CWF19L2: variants seen among roughly 807,000 people sequenced by gnomAD.
The protein encoded by CWF19L2 is CWF19 like cell cycle control factor 2, also known as CWF19-like protein 2.
Under a neutral mutation model 111.7 loss-of-function variants are expected in CWF19L2, and 98 were observed. The observed-to-expected ratio is 0.88, with a 90% CI of 0.75 to 1.04. The LOEUF is 1.04. Ranked by LOEUF, CWF19L2 falls within the 50% of genes least tolerant of loss-of-function variation. The pLI, the probability that CWF19L2 is intolerant of heterozygous loss-of-function variation, is 0.00. For missense variants in CWF19L2, 1,101 were observed against 1,051.4 expected, an observed-to-expected ratio of 1.05 and a Z score of -0.65; for synonymous variants, 351 against 342.9, an observed-to-expected ratio of 1.02 and a Z score of -0.26.
At chr11:107,399,240 T>C (rs1860966765) in intron 10 of CWF19L2, among the ~76,000 whole-genome samples, 1 of 152,224 alleles carries the variant, frequency 6.6e-6, no homozygotes, top group Admixed American at 6.5e-5. Context: ...CGAATGAATG[T>C]AAATGGCCTA....
chr11:107,346,600 T>A (rs1428316610), intron 14 of CWF19L2, among the ~76,000 whole-genome samples: 1 of 152,104 alleles, frequency 6.6e-6, no homozygotes, highest in Non-Finnish European at 1.5e-5. Context: ...TAAAAACAGA[T>A]GACTTAGAGG....
At chr11:107,391,563 T>C (rs945430585) in intron 11 of CWF19L2, among the ~76,000 whole-genome samples, 4 of 152,234 alleles carry the variant, frequency 2.6e-5, no homozygotes, top group Non-Finnish European at 4.4e-5. Flanking sequence ...GCAAAGCTGA[T>C]ATTCTGGTCT....
At chr11:107,413,967 A>G (rs577011953) in intron 10 of CWF19L2, among the ~76,000 whole-genome samples, 16 of 152,326 alleles carry the variant, frequency 1.1e-4, no homozygotes, top group African/African-American at 3.4e-4. Flanking sequence ...TTTGTCCTTC[A>G]GCATCAAAAA....
intron 12 of CWF19L2, 26 bp from the exon 13 acceptor site, chr11:107,353,762 G>T: frequency 1.3e-6 from 2 of 1,576,994 alleles, no homozygotes; most frequent in Non-Finnish European, 1.7e-6. Context: ...AACAGTAATA[G>T]AGAGTAGAAG....
chr11:107,408,341 G>C (rs1861110209), intron 10 of CWF19L2, among the ~76,000 whole-genome samples: 1 of 151,942 alleles, frequency 6.6e-6, no homozygotes, highest in Non-Finnish European at 1.5e-5. Context: ...AGGCACTGAG[G>C]CAGGAGGGAA....
chr11:107,396,770 A>G (rs1863128), intron 10 of CWF19L2, among the ~76,000 whole-genome samples: 59,199 of 151,976 alleles, frequency 0.39, 12,612 homozygotes, highest in African/African-American at 0.57. Flanking sequence ...AGCAATCCCG[A>G]GAGGACCCAC....
intron 17 of CWF19L2, among the ~76,000 whole-genome samples, chr11:107,327,303 C>T (rs1266600406): frequency 6.6e-6 from 1 of 152,032 alleles, no homozygotes; most frequent in Admixed American, 6.6e-5. Flanking sequence ...TGCTTATTAG[C>T]ACATCTACTA....
chr11:107,447,794 TG>T (rs1437710577), intron 3 of CWF19L2, among the ~76,000 whole-genome samples: 1 of 152,020 alleles, frequency 6.6e-6, no homozygotes, highest in East Asian at 1.9e-4. Flanking sequence ...AGCAAGCAAA[TG>T]TGACCCATAT....
chr11:107,404,028 T>C, intron 10 of CWF19L2: 1 of 776,226 alleles, frequency 1.3e-6, no homozygotes, highest in East Asian at 2.4e-5. Flanking sequence ...AGGTGATGGT[T>C]TCACTAAAAA....
At position 107,441,513 on chromosome 11, in the gene CWF19L2, G is replaced by C; in HGVS notation, c.560C>G (p.Ala187Gly). The C allele has an allele frequency of 6.5e-7, 1 of 1,533,728 alleles. No homozygotes were observed. The highest frequency in any genetic ancestry group is 8.8e-7 in the Non-Finnish European group (1 of 1,140,936). The stretch of plus-strand genomic sequence containing the variant: ...CAAATATTCTCTTACCTGTTCAAGC[G>C]CTTGGTTTTTCTCTTGCTCTATTTT... ...MRKIEQEKNQ[A>G]LEQSKLMERE... Residue 187 changes from alanine to glycine, a missense_variant, in exon 5 of 18, where the codon GCG (alanine) becomes GGG (glycine). Physicochemically the swap from Ala to Gly is moderately conservative, Grantham distance 60. Transcript: ENST00000282251.
intron 12 of CWF19L2, among the ~76,000 whole-genome samples, chr11:107,383,542 A>G (rs1860723267): frequency 6.6e-6 from 1 of 152,150 alleles, no homozygotes; most frequent in African/African-American, 2.4e-5. Flanking sequence ...AAAAAAACTG[A>G]AAAATATAGA....
At chr11:107,441,931 A>T (rs903414470) in intron 4 of CWF19L2, among the ~76,000 whole-genome samples, 1 of 152,194 alleles carries the variant, frequency 6.6e-6, no homozygotes, top group African/African-American at 2.4e-5. Flanking sequence ...GTTCCTGTTC[A>T]CCTTTCTTCC....
intron 11 of CWF19L2, 26 bp downstream of exon 11, chr11:107,392,753 T>C (rs1360418469): frequency 7.5e-7 from 1 of 1,339,974 alleles, no homozygotes; most frequent in Non-Finnish European, 1.0e-6. Flanking sequence ...TCTGAATTAA[T>C]AAACAAAGAC....
intron 12 of CWF19L2, among the ~76,000 whole-genome samples, chr11:107,382,571 C>T (rs1235298119): frequency 6.6e-6 from 1 of 152,146 alleles, no homozygotes; most frequent in Admixed American, 6.5e-5. Flanking sequence ...TTACTATATA[C>T]CTATTATGTT....
intron 8 of CWF19L2, among the ~76,000 whole-genome samples, chr11:107,427,176 G>A (rs17666075): frequency 0.025 from 3,764 of 151,936 alleles, 72 homozygotes; most frequent in South Asian, 0.05. Flanking sequence ...CATTCTTCAA[G>A]GTCCTGTCTT....
intron 14 of CWF19L2, among the ~76,000 whole-genome samples, chr11:107,343,079 C>G (rs1357627970): frequency 6.6e-6 from 1 of 152,192 alleles, no homozygotes; most frequent in East Asian, 1.9e-4. Flanking sequence ...TACACTTCTA[C>G]AGTTTTAAGG....
Position 107,455,646 on chromosome 11 carries a change from G to A in CWF19L2, c.216+20C>T, listed in dbSNP as rs752877164. The A allele has an allele frequency of 2.4e-5, 33 of 1,391,948 alleles. No individual in the cohort carries two copies. Among genetic ancestry groups the A allele is most frequent in the Non-Finnish European group, 3.0e-5 (30 of 1,014,144 alleles). 86.2% of individuals were successfully genotyped at this position (1,391,948 alleles called of 1,614,324 possible). ...AAAAGGACAGATATCCTTACATCACGTAAACCTGTTAGTATTCACCTGTGA... is the reference window on the plus strand; with the variant it reads ...AAAAGGACAGATATCCTTACATCACATAAACCTGTTAGTATTCACCTGTGA... On this transcript the variant is annotated intron_variant, in intron 2 of 17. Coordinates refer to ENST00000282251, the MANE Select transcript of CWF19L2 (RefSeq NM_152434.3).
Position 107,371,487 on chromosome 11 carries a change from G to A in CWF19L2, c.1873-17751C>T, listed in dbSNP as rs79402414. Among the ~76,000 whole-genome samples, 23 of 95,976 alleles carry A rather than the reference G, an allele frequency of 2.4e-4. 5 individuals carry two copies. The highest frequency in any genetic ancestry group is 1.5e-3 in the East Asian group (5 of 3,424). The allele number at this position is 95,976 out of a possible 152,430, so 63.0% of individuals were successfully genotyped here. ...TTTATGTATTCAATATTTAAAGTAC[G>A]GCATGAATTACAGACTGATTTTTTA... On this transcript the variant is annotated intron_variant, in intron 12 of 17. Coordinates refer to ENST00000282251, the MANE Select transcript of CWF19L2 (RefSeq NM_152434.3).
At chr11:107,397,876 C>T (rs1020841735) in intron 10 of CWF19L2, among the ~76,000 whole-genome samples, 15 of 152,270 alleles carry the variant, frequency 9.9e-5, no homozygotes, top group African/African-American at 3.6e-4. Flanking sequence ...CAGCCCATAG[C>T]CAGGTAAACT....
Sources: allele counts gnomAD v4.1 joint callset (sites outside exome capture counted in the v4.1 genomes callset), GRCh38; gene constraint gnomAD v4.1.1; transcripts MANE v1.5; gene names NCBI Gene and HGNC (gene_info 2026-07-23, HGNC 2026-07-21).